The following CRADD variants were observed in gnomAD, a reference collection of about 807,000 sequenced individuals.
CRADD encodes the protein CARD and death domain containing adaptor protein.
Under a neutral mutation model 15.5 loss-of-function variants are expected in CRADD, and 9 were observed. The ratio of observed to expected loss-of-function variants is 0.58; its 90% CI spans 0.35 to 1.01. The LOEUF is 1.01. CRADD is among the 50% of genes least tolerant of loss of function. The pLI is 0.02. For missense variants in CRADD, 227 were observed against 250.3 expected (o/e 0.91, Z 0.63); for synonymous variants, 118 against 107.6 (o/e 1.10, Z -0.60).
chr12:93,817,108 G>A (rs1957710593), intron 2 of CRADD, among the ~76,000 whole-genome samples: 1 of 151,824 alleles, frequency 6.6e-6, no homozygotes, highest in Non-Finnish European at 1.5e-5. Context: ...CATTCATGGT[G>A]CACAAATATA....
chr12:93,875,574 G>A (rs1210056052), intron 2 of CRADD, among the ~76,000 whole-genome samples: 1 of 151,670 alleles, frequency 6.6e-6, no homozygotes, highest in Non-Finnish European at 1.5e-5. Flanking sequence ...TCCATTATAT[G>A]TTTTTTTGGT....
chr12:93,877,068 T>C (rs1295546105), intron 2 of CRADD, among the ~76,000 whole-genome samples: 2 of 152,222 alleles, frequency 1.3e-5, no homozygotes, highest in Middle Eastern at 3.2e-3. Flanking sequence ...TGTAGACTCA[T>C]AGAAGTACTG....
chr12:93,782,845 G>C (rs1336791786), intron 2 of CRADD, among the ~76,000 whole-genome samples: 1 of 152,088 alleles, frequency 6.6e-6, no homozygotes, highest in African/African-American at 2.4e-5. Flanking sequence ...TGAGGCCTAA[G>C]ACTCTTTAAA....
chr12:93,884,265 T>C (rs1466908345), intron 2 of CRADD, among the ~76,000 whole-genome samples: 1 of 152,196 alleles, frequency 6.6e-6, no homozygotes, highest in Non-Finnish European at 1.5e-5. Context: ...TAAAAATGAA[T>C]AGAAGCTGTA....
chr12:93,749,817 G>A (rs1334419448), intron 2 of CRADD, among the ~76,000 whole-genome samples: 2 of 152,120 alleles, frequency 1.3e-5, no homozygotes, highest in Non-Finnish European at 2.9e-5. Flanking sequence ...TCAGATTTGT[G>A]ATAGACTCTT....
chr12:93,692,885 A>G (rs1955606429), intron 2 of CRADD, among the ~76,000 whole-genome samples: 1 of 152,200 alleles, frequency 6.6e-6, no homozygotes, highest in Non-Finnish European at 1.5e-5. Flanking sequence ...AACTATTAAA[A>G]TGGATATAAC....
At chr12:93,734,654 G>A (rs1956531650) in intron 2 of CRADD, among the ~76,000 whole-genome samples, 1 of 152,164 alleles carries the variant, frequency 6.6e-6, no homozygotes, top group South Asian at 2.1e-4. Flanking sequence ...TGCATCATCA[G>A]GCCAGTGCTT....
At chr12:93,888,927 C>T (rs1254884330) in intron 2 of CRADD, among the ~76,000 whole-genome samples, 1 of 152,112 alleles carries the variant, frequency 6.6e-6, no homozygotes, top group African/African-American at 2.4e-5. Flanking sequence ...GCAGAAGGAG[C>T]AGGTTTCAAA....
intron 2 of CRADD, among the ~76,000 whole-genome samples, chr12:93,781,048 G>A (rs1754055820): frequency 6.6e-6 from 1 of 151,776 alleles, no homozygotes; most frequent in South Asian, 2.1e-4. Flanking sequence ...GAGCCACCGT[G>A]CCCAGCCTCT....
At chr12:93,725,155 C>T (rs763028325) in intron 2 of CRADD, among the ~76,000 whole-genome samples, 10 of 152,300 alleles carry the variant, frequency 6.6e-5, no homozygotes, top group Admixed American at 2.6e-4. Context: ...CCACCACGCC[C>T]GGCCCAGACT....
intron 2 of CRADD, among the ~76,000 whole-genome samples, chr12:93,817,835 G>A (rs143687836): frequency 3.3e-5 from 5 of 152,190 alleles, no homozygotes; most frequent in African/African-American, 1.2e-4. Flanking sequence ...GGATCCTGTT[G>A]GCCTGCCTTC....
intron 2 of CRADD, among the ~76,000 whole-genome samples, chr12:93,887,299 C>T (rs140277599): frequency 7.9e-4 from 120 of 152,320 alleles, no homozygotes; most frequent in African/African-American, 2.7e-3. Flanking sequence ...CCTCTTGACA[C>T]CAGGCACAGA....
At chr12:93,804,154 A>C (rs1957508570) in intron 2 of CRADD, among the ~76,000 whole-genome samples, 1 of 152,136 alleles carries the variant, frequency 6.6e-6, no homozygotes, top group South Asian at 2.1e-4. Context: ...AAAACACTTA[A>C]ATGAAAAAAA....
intron 2 of CRADD, among the ~76,000 whole-genome samples, chr12:93,782,158 C>T (rs943379064): frequency 6.6e-6 from 1 of 152,068 alleles, no homozygotes; most frequent in Non-Finnish European, 1.5e-5. Flanking sequence ...GAATACTATG[C>T]AGCCATAAAA....
At chr12:93,726,094 G>GTTTTTTTTTTTTTTTTT (rs1165429350) in intron 2 of CRADD, among the ~76,000 whole-genome samples, 2 of 96,010 alleles carry the variant, frequency 2.1e-5, no homozygotes, top group Non-Finnish European at 4.1e-5. Flanking sequence ...AAATAGTTTA[G>GTTTTTTTTTTTTTTTTT]TTTTTTTTTT....
intron 2 of CRADD, among the ~76,000 whole-genome samples, chr12:93,692,890 T>C (rs1021158052): frequency 1.1e-4 from 16 of 152,190 alleles, no homozygotes; most frequent in African/African-American, 3.6e-4. Context: ...TTAAAATGGA[T>C]ATAACAACTT....
At chr12:93,879,406 C>G (rs1958479511) in intron 2 of CRADD, among the ~76,000 whole-genome samples, 1 of 152,172 alleles carries the variant, frequency 6.6e-6, no homozygotes, top group Admixed American at 6.5e-5. Context: ...GTTTTAAGGT[C>G]TGGTGATTCT....
At chr12:93,707,805 A>G (rs1477316482) in intron 2 of CRADD, 1 of 152,226 alleles carries the variant, frequency 6.6e-6, no homozygotes, top group African/African-American at 2.4e-5. Context: ...TTTATTTAAT[A>G]GCAATTTATT....
intron 2 of CRADD, among the ~76,000 whole-genome samples, chr12:93,808,007 G>C (rs1163587676): frequency 9.3e-6 from 1 of 107,946 alleles, no homozygotes; most frequent in Admixed American, 1.0e-4. Context: ...AAAAAGTATA[G>C]AGCAGGCTAA....
Sources: gnomAD v4.1 joint callset for allele counts (sites outside exome capture counted in the v4.1 genomes callset) on GRCh38, gnomAD v4.1.1 for gene constraint, MANE v1.5 for transcripts, NCBI Gene and HGNC (gene_info 2026-07-23, HGNC 2026-07-21) for gene names.